SAMD5: variants seen among roughly 807,000 people sequenced by gnomAD.
SAMD5 encodes the protein sterile alpha motif domain-containing protein 5.
A neutral mutation model predicts 11.3 loss-of-function variants in SAMD5; 13 were observed. The observed-to-expected ratio is 1.15, with a 90% confidence interval of 0.75 to 1.83. SAMD5 has a LOEUF of 1.83. Ranked by LOEUF, SAMD5 falls within the 40% of genes most tolerant of loss-of-function variation. The pLI is 0.00. For synonymous variants in SAMD5, 129 were observed against 111.3 expected, an observed-to-expected ratio of 1.16 and a Z score of -1.00; for missense variants, 255 against 239.1, an observed-to-expected ratio of 1.07 and a Z score of -0.44.
the SAMD5 span, among the ~76,000 whole-genome samples, chr6:147,871,145 C>T: frequency 6.6e-6 from 1 of 152,104 alleles, no homozygotes; most frequent in Non-Finnish European, 1.5e-5. Context: ...ATCAAGTCAC[C>T]ATTAATACAA....
chr6:147,779,515 A>G, the SAMD5 span, among the ~76,000 whole-genome samples: 5 of 133,646 alleles, frequency 3.7e-5, no homozygotes, highest in Admixed American at 3.8e-4. Context: ...TTTTTTTTTG[A>G]GACAGAGTCT....
chr6:147,946,584 G>A, the SAMD5 span, among the ~76,000 whole-genome samples: 1 of 152,074 alleles, frequency 6.6e-6, no homozygotes, highest in Non-Finnish European at 1.5e-5. Flanking sequence ...AGACTAGTTT[G>A]CATTTTTAAT....
Position 147,508,897 on chromosome 6 carries a change from AG to A in SAMD5, c.-30del. On this transcript the variant is annotated 5_prime_UTR_variant, in exon 1 of 2. Coordinates refer to ENST00000367474, the MANE Select transcript of SAMD5 (RefSeq NM_001030060.3). ...CGCCCGTGCCATTTGGGCGCTGGGA[AG>A]GTGCTCGGCGGCGGGGTTCCCGGTC... 1 of 1,583,618 alleles carries A rather than the reference AG, an allele frequency of 6.3e-7. No homozygotes were observed. Among genetic ancestry groups the A allele is most frequent in the South Asian group, 1.1e-5 (1 of 87,056 alleles).
At chr6:147,689,547 C>A (rs910425484) in intron 1 of SAMD5, among the ~76,000 whole-genome samples, 2 of 152,148 alleles carry the variant, frequency 1.3e-5, no homozygotes, top group Non-Finnish European at 1.5e-5. Context: ...TTCCCTTTTC[C>A]CAGTCAAAGG....
rs1027600173 is a variant in SAMD5, at chr6:147,567,599, C to G, written c.*3143C>G. ...GAGTTCTATGGCTTACACCCACATACAGTCCTTGGCTCAGTGCTAGGCATG... is the reference window on the plus strand; with the variant it reads ...GAGTTCTATGGCTTACACCCACATAGAGTCCTTGGCTCAGTGCTAGGCATG... On this transcript the variant is annotated 3_prime_UTR_variant, in exon 2 of 2. Transcript: ENST00000367474. The G allele has an allele frequency of 1.0e-6, 1 of 952,504 alleles. No individual in the cohort carries two copies. The highest frequency in any genetic ancestry group is 1.8e-5 in the African/African-American group (1 of 56,512). 59.0% of individuals were successfully genotyped at this position (952,504 alleles called of 1,614,324 possible).
chr6:147,921,444 A>G, the SAMD5 span, among the ~76,000 whole-genome samples: 1 of 152,302 alleles, frequency 6.6e-6, no homozygotes, highest in African/African-American at 2.4e-5. Flanking sequence ...CCTCACAGCT[A>G]GTGCAGCAGT....
the SAMD5 span, among the ~76,000 whole-genome samples, chr6:147,889,458 T>C: frequency 6.6e-6 from 1 of 152,248 alleles, no homozygotes; most frequent in African/African-American, 2.4e-5. Context: ...CTGTGTTATT[T>C]CTGGGTCTGT....
At chr6:147,722,509 C>T (rs573347133) in intron 1 of SAMD5, among the ~76,000 whole-genome samples, 91 of 152,270 alleles carry the variant, frequency 6.0e-4, no homozygotes, top group Middle Eastern at 3.4e-3. Context: ...TCTCATTTAA[C>T]GTCTCTTATT....
the SAMD5 span, among the ~76,000 whole-genome samples, chr6:147,871,285 C>T: frequency 6.6e-6 from 1 of 152,076 alleles, no homozygotes; most frequent in East Asian, 1.9e-4. Context: ...TTTAGAGTTA[C>T]ATATGACAAA....
At chr6:147,947,334 C>A in the SAMD5 span, 1 of 152,240 alleles carries the variant, frequency 6.6e-6, no homozygotes, top group East Asian at 1.9e-4. Context: ...TAAATTAAAA[C>A]GTGATTTTCT....
chr6:147,947,890 T>G, the SAMD5 span, among the ~76,000 whole-genome samples: 1 of 152,174 alleles, frequency 6.6e-6, no homozygotes, highest in Non-Finnish European at 1.5e-5. Context: ...AAACTCCAGA[T>G]AGAGGCATTT....
rs138071905 is a variant in SAMD5 at position 147,521,163 on chromosome 6, T to C, written c.459+11776T>C. 7.0e-3 allele frequency among the ~76,000 whole-genome samples: 1,070 copies of C among 152,200 alleles called. 14 individuals are homozygous for C. The highest frequency in any genetic ancestry group is 0.025 in the African/African-American group (1,031 of 41,572). On this transcript the variant is annotated intron_variant, in intron 1 of 1. Transcript: ENST00000367474. ...TTTTTTATTATTTGAAAATGTCACGTTTGAGAAGTGGTATTTCATCATTCT... is the reference window on the plus strand; with the variant it reads ...TTTTTTATTATTTGAAAATGTCACGCTTGAGAAGTGGTATTTCATCATTCT...
At chr6:147,509,410 G>A in intron 1 of SAMD5, 23 bp downstream of exon 1, 1 of 1,499,292 alleles carries the variant, frequency 6.7e-7, no homozygotes, top group East Asian at 2.9e-5. Context: ...CGTCCGGGCG[G>A]CCCGGGGCGC....
chr6:147,693,056 C>G (rs544738990), intron 1 of SAMD5, among the ~76,000 whole-genome samples: 2 of 152,350 alleles, frequency 1.3e-5, no homozygotes, highest in East Asian at 1.9e-4. Flanking sequence ...AAATTGATCT[C>G]AATTAAAATC....
chr6:147,680,908 T>C (rs62436330), intron 1 of SAMD5, among the ~76,000 whole-genome samples: 12,950 of 152,220 alleles, frequency 0.085, 770 homozygotes, highest in Non-Finnish European at 0.12. Context: ...AAAGTTTCGT[T>C]ACATAGTTTT....
chr6:147,807,256 C>A, the SAMD5 span, among the ~76,000 whole-genome samples: 1 of 152,000 alleles, frequency 6.6e-6, no homozygotes, highest in East Asian at 1.9e-4. Flanking sequence ...CTTGCCACCA[C>A]GCCTGGCTAA....
chr6:147,890,604 CCAA>C, the SAMD5 span, among the ~76,000 whole-genome samples: 1 of 152,070 alleles, frequency 6.6e-6, no homozygotes, highest in Admixed American at 6.5e-5. Flanking sequence ...GGTGATCCAC[CCAA>C]CTTGGCCTCT....
At chr6:147,618,204 G>A (rs1307218068) in intron 1 of SAMD5, among the ~76,000 whole-genome samples, 6 of 152,204 alleles carry the variant, frequency 3.9e-5, no homozygotes, top group Non-Finnish European at 7.3e-5. Context: ...TGGGCACTGG[G>A]CTGGATGCTA....
At chr6:147,516,477 G>A (rs547895832) in intron 1 of SAMD5, among the ~76,000 whole-genome samples, 2 of 152,276 alleles carry the variant, frequency 1.3e-5, no homozygotes, top group African/African-American at 4.8e-5. Context: ...ACCACATAGG[G>A]TTGTTATGGA....
Sources: gnomAD v4.1 joint callset for allele counts (sites outside exome capture counted in the v4.1 genomes callset) on GRCh38, gnomAD v4.1.1 for gene constraint, MANE v1.5 for transcripts, NCBI Gene and HGNC (gene_info 2026-07-23, HGNC 2026-07-21) for gene names.